Variants in TNRC18 observed in about 807,000 individuals in gnomAD.
The protein encoded by TNRC18 is trinucleotide repeat containing 18, also known as trinucleotide repeat-containing gene 18 protein.
TNRC18 carries 69 observed loss-of-function variants against 226.7 expected under a neutral mutation model. The observed-to-expected ratio is 0.30, with a 90% CI of 0.25 to 0.37. TNRC18 has a LOEUF of 0.37. TNRC18 is among the 10% of genes least tolerant of loss of function. TNRC18 has a pLI of 1.00. For synonymous variants in TNRC18, 2,449 were observed against 1,927.6 expected, an observed-to-expected ratio of 1.27 and a Z score of -7.09; for missense variants, 4,754 against 4,256.6, an observed-to-expected ratio of 1.12 and a Z score of -3.25.
In TNRC18 at chr7:5,359,522, G is replaced by A. The variant is rs757870927; in HGVS notation, c.4709C>T (p.Ala1570Val). ...LLTSDDYELG[A>V]GIRKRHKGSE... is the part of the protein sequence containing the mutation. ...CCCCTTGTGTCTCTTTCTTATCCCT[G>A]CTCCCAGCTCATAATCATCTGATGT... Residue 1570 changes from alanine (A) to valine (V), a missense_variant, in exon 15 of 30, where the codon GCA becomes GTA. By Grantham distance (64) the Ala-to-Val change is moderately conservative. Transcript: ENST00000430969. 2 of 1,613,904 alleles carry A rather than the reference G, an allele frequency of 1.2e-6. No homozygotes were observed. The highest frequency in any genetic ancestry group is 1.1e-5 in the South Asian group (1 of 91,082).
In TNRC18 at chr7:5,390,534, C is replaced by T. The variant is rs561776886; in HGVS notation, c.438G>A (p.Leu146=). ...GGGTATCGAAAATGCTGGGCTGACC[C>T]AGCTGGCTGAGGAGGGGGCTCCCAC... ...PSSGSPLLSQ[L]GQPSIFDTQK... Residue 146 remains leucine, a synonymous_variant, in exon 4 of 30, where the codon CTG becomes CTA. Coordinates refer to ENST00000430969, the MANE Select transcript of TNRC18 (RefSeq NM_001080495.3). 7 of 1,613,678 alleles carry T rather than the reference C, an allele frequency of 4.3e-6. No individual in the cohort carries two copies. In the South Asian group the frequency reaches 6.6e-5, roughly 15 times the overall value.
intron 11 of TNRC18, 118 bp downstream of exon 11, chr7:5,370,257 A>G: frequency 1.6e-6 from 2 of 1,224,966 alleles, no homozygotes; most frequent in Admixed American, 2.7e-5. Context: ...CAGGAGTTTG[A>G]GGCTGCAGTG....
At position 5,362,843 on chromosome 7, in the gene TNRC18, G is replaced by T; in HGVS notation, c.4220-18C>A. On this transcript the variant is annotated intron_variant, in intron 11 of 29. Coordinates refer to ENST00000430969, the MANE Select transcript of TNRC18 (RefSeq NM_001080495.3). ...CTCCGCACCTGTGGACAGGAGGTAG[G>T]TAACAGGGCGCTGCTGCCACCCCTT... 3 of 1,490,744 alleles carry T rather than the reference G, an allele frequency of 2.0e-6. No homozygotes were observed. Among genetic ancestry groups the T allele is most frequent in the Non-Finnish European group, 2.7e-6 (3 of 1,120,398 alleles). 92.3% of individuals were successfully genotyped at this position (1,490,744 alleles called of 1,614,324 possible).
rs939453700 is a variant in TNRC18 at position 5,377,450 on chromosome 7, G to A, written c.2382C>T (p.Asp794=). ...ALAGSGRWSA[D]PAAHLATHPW... Reference sequence around the variant, plus strand: ...GGTGCGTGGCCAGATGGGCTGCGGGGTCGGCAGACCAGCGACCTGAGCCCG... The same window carrying A: ...GGTGCGTGGCCAGATGGGCTGCGGGATCGGCAGACCAGCGACCTGAGCCCG... Residue 794 remains aspartate, a synonymous_variant, in exon 7 of 30, where the codon GAC becomes GAT. Coordinates refer to ENST00000430969, the MANE Select transcript of TNRC18 (RefSeq NM_001080495.3). This position sits in a 1 kb window ranked among gnomAD's most constrained non-coding sequence, Gnocchi z 5.8. The A allele has an allele frequency of 4.4e-6, 7 of 1,586,888 alleles. No individual in the cohort carries two copies. Among genetic ancestry groups the A allele is most frequent in the East Asian group, 2.3e-5 (1 of 43,278 alleles).
intron 29 of TNRC18, 95 bp from the exon 30 acceptor site, chr7:5,308,407 AG>A: frequency 8.5e-7 from 1 of 1,175,472 alleles, no homozygotes; most frequent in East Asian, 2.6e-5. Context: ...AAGCAGAGGG[AG>A]CCCCAGGGAC....
chr7:5,315,191 C>T (rs1453860798), intron 25 of TNRC18, 43 bp from the exon 26 acceptor site: 3 of 1,582,222 alleles, frequency 1.9e-6, no homozygotes, highest in Non-Finnish European at 2.6e-6. Flanking sequence ...CCTGGGGTCC[C>T]CAGCTTGGAG....
At chr7:5,399,986 C>CAA (rs1780971437) in intron 2 of TNRC18, among the ~76,000 whole-genome samples, 1 of 152,104 alleles carries the variant, frequency 6.6e-6, no homozygotes, top group Non-Finnish European at 1.5e-5. Context: ...ACCTCCCGGG[C>CAA]TCAAGCAATC....
chr7:5,329,089 G>A (rs1467116821), intron 19 of TNRC18, among the ~76,000 whole-genome samples: 1 of 152,026 alleles, frequency 6.6e-6, no homozygotes, highest in Non-Finnish European at 1.5e-5. Context: ...GATCACCTGA[G>A]GTCAGGAGTT....
chr7:5,319,348 T>G (rs1443249446), intron 24 of TNRC18, among the ~76,000 whole-genome samples: 2 of 152,270 alleles, frequency 1.3e-5, no homozygotes, highest in South Asian at 4.2e-4. Context: ...GCTTTTTTTT[T>G]GCACGGGCGG....
intron 24 of TNRC18, among the ~76,000 whole-genome samples, chr7:5,318,400 C>G (rs554879760): frequency 2.6e-4 from 39 of 152,154 alleles, no homozygotes; most frequent in African/African-American, 8.9e-4. Context: ...GAGAAAATCT[C>G]TCCATAAGTT....
rs775393858 is a variant in TNRC18, at chr7:5,321,203, G to C, written c.6443-13C>G. On this transcript the variant is annotated splice_polypyrimidine_tract_variant and intron_variant, in intron 21 of 29. Transcript: ENST00000430969. ...CAGGAGCGAGGGGCTGCAGGGGTTG[G>C]ATCGTGAGGCGAGGCTGGAGCCGGG... The C allele has an allele frequency of 3.9e-6, 6 of 1,528,856 alleles. No homozygotes were observed. The highest frequency in any genetic ancestry group is 5.3e-6 in the Non-Finnish European group (6 of 1,131,122). 94.7% of individuals were successfully genotyped at this position (1,528,856 alleles called of 1,614,324 possible).
chr7:5,386,000 A>C (rs1423020447), intron 5 of TNRC18, among the ~76,000 whole-genome samples: 1 of 149,704 alleles, frequency 6.7e-6, no homozygotes, highest in Admixed American at 6.7e-5. Context: ...AAAAAAAAAA[A>C]AAAAAAACAG....
chr7:5,393,922 G>A (rs936571105), intron 3 of TNRC18, among the ~76,000 whole-genome samples: 1 of 152,084 alleles, frequency 6.6e-6, no homozygotes, highest in African/African-American at 2.4e-5. Context: ...TGCCCAGGCT[G>A]GTCTCGAACT....
In TNRC18 at chr7:5,316,107, G is replaced by A. The variant is rs564186758; in HGVS notation, c.6746-35C>T. ...GAGGGGAGGCTCAGGGGAGGCCCTC[G>A]GACCTCCAGCTCCCTAGTGACGCAC... is the stretch of plus-strand genomic sequence containing the variant. On this transcript the variant is annotated intron_variant, in intron 24 of 29. Coordinates refer to ENST00000430969, the MANE Select transcript of TNRC18 (RefSeq NM_001080495.3). The A allele has an allele frequency of 1.1e-4, 167 of 1,546,686 alleles. 1 individual carries two copies. In the East Asian group the frequency reaches 3.6e-3, roughly 33 times the overall value.
At position 5,315,909 on chromosome 7, in the gene TNRC18, T is replaced by C. The variant is rs547578162; in HGVS notation, c.6862+47A>G. 2.1e-6 allele frequency: 3 copies of C among 1,421,730 alleles called. No individual in the cohort carries two copies. In the African/African-American group the frequency reaches 4.4e-5, roughly 21 times the overall value. The allele number at this position is 1,421,730 out of a possible 1,614,324, so 88.1% of individuals were successfully genotyped here. Reference sequence around the variant, plus strand: ...CGGGCTTGGAGGGCGAGAGCCTGGGTGGGCGGCCCCTGGCAGGAGACCGGG... The same window carrying C: ...CGGGCTTGGAGGGCGAGAGCCTGGGCGGGCGGCCCCTGGCAGGAGACCGGG... On this transcript the variant is annotated intron_variant, in intron 25 of 29. Transcript: ENST00000430969.
intron 17 of TNRC18, 34 bp downstream of exon 17, chr7:5,351,785 A>G (rs1330760721): frequency 6.5e-7 from 1 of 1,537,080 alleles, no homozygotes; most frequent in East Asian, 2.3e-5. Flanking sequence ...TCGCTAGGAA[A>G]CACGGAAGGT....
intron 18 of TNRC18, among the ~76,000 whole-genome samples, chr7:5,340,760 G>A (rs1790609223): frequency 6.9e-6 from 1 of 144,086 alleles, no homozygotes; most frequent in Non-Finnish European, 1.5e-5. Context: ...AAAAAAAAAA[G>A]AAAAGGAAAG....
chr7:5,324,083 G>C lies in TNRC18; in HGVS notation c.6442+131C>G. ...CATCGACCCGGATAACTCAGCCTCA[G>C]GATCTCTGCTCCTGTGGTTCCCTGC... is the stretch of plus-strand genomic sequence containing the variant. On this transcript the variant is annotated intron_variant, in intron 21 of 29. Transcript: ENST00000430969. The surrounding 1 kb of genome is among the most constrained non-coding windows in gnomAD (Gnocchi z 4.8). 9.6e-7 allele frequency: 1 copy of C among 1,046,344 alleles called. No homozygotes were observed. The highest frequency in any genetic ancestry group is 1.4e-6 in the Non-Finnish European group (1 of 739,018). 64.8% of individuals were successfully genotyped at this position (1,046,344 alleles called of 1,614,324 possible).
At position 5,315,936 on chromosome 7, in the gene TNRC18, G is replaced by A. The variant is rs747843578; in HGVS notation, c.6862+20C>T. The stretch of plus-strand genomic sequence containing the variant: ...GGCGGCCCCTGGCAGGAGACCGGGT[G>A]TCATGAGCTTGTCACTTACACTGTA... On this transcript the variant is annotated intron_variant, in intron 25 of 29. Coordinates refer to ENST00000430969, the MANE Select transcript of TNRC18 (RefSeq NM_001080495.3). The A allele has an allele frequency of 1.4e-5, 22 of 1,543,294 alleles. No individual in the cohort carries two copies. Among genetic ancestry groups the A allele is most frequent in the Non-Finnish European group, 1.7e-5 (19 of 1,143,990 alleles).
Sources: allele counts gnomAD v4.1 joint callset (sites outside exome capture counted in the v4.1 genomes callset), GRCh38; gene constraint gnomAD v4.1.1; non-coding constraint Gnocchi (gnomAD v3.1); transcripts MANE v1.5; gene names NCBI Gene and HGNC (gene_info 2026-07-23, HGNC 2026-07-21).